The following TSHZ2 variants were observed in gnomAD, a reference collection of about 807,000 sequenced individuals.
The protein encoded by TSHZ2 is teashirt homolog 2.
In TSHZ2, 21 loss-of-function variants were observed where a neutral mutation model predicts 74.4. That is an observed-to-expected ratio of 0.28 (90% CI 0.20 to 0.41). The LOEUF (loss-of-function observed/expected upper bound fraction) is 0.41, where lower values mean the gene tolerates loss of function less well. TSHZ2 is among the 10% of genes least tolerant of loss of function. TSHZ2 has a pLI of 1.00. For synonymous variants in TSHZ2, 540 were observed against 515.3 expected, an observed-to-expected ratio of 1.05 and a Z score of -0.65; for missense variants, 1,244 against 1,293.5, an observed-to-expected ratio of 0.96 and a Z score of 0.59.
chr20:52,979,463 C>G (rs900056496), intron 1 of TSHZ2, among the ~76,000 whole-genome samples: 2 of 152,054 alleles, frequency 1.3e-5, no homozygotes, highest in Non-Finnish European at 2.9e-5. Flanking sequence ...TCATTTTGTC[C>G]GAGAAATTAT....
chr20:53,346,750 A>G (rs1431078615), intron 2 of TSHZ2, among the ~76,000 whole-genome samples: 1 of 152,230 alleles, frequency 6.6e-6, no homozygotes, highest in Non-Finnish European at 1.5e-5. Context: ...TGCGTAGGTC[A>G]TTGAGCATGG....
intron 1 of TSHZ2, among the ~76,000 whole-genome samples, chr20:53,026,496 C>T (rs1327660618): frequency 1.3e-5 from 2 of 152,124 alleles, no homozygotes; most frequent in South Asian, 4.2e-4. Flanking sequence ...GGACCACAAG[C>T]GCACATCACC....
At chr20:53,396,080 C>T (rs1393550424) in intron 2 of TSHZ2, among the ~76,000 whole-genome samples, 2 of 152,234 alleles carry the variant, frequency 1.3e-5, no homozygotes, top group African/African-American at 2.4e-5. Context: ...GGAATACAGG[C>T]GCCTGCCACC....
chr20:53,160,810 C>T (rs1313552945), intron 1 of TSHZ2, among the ~76,000 whole-genome samples: 1 of 151,040 alleles, frequency 6.6e-6, no homozygotes, highest in Admixed American at 6.6e-5. Flanking sequence ...GCAAACTACA[C>T]CTCTGGAAAC....
At chr20:53,332,775 G>C (rs760310679) in intron 2 of TSHZ2, among the ~76,000 whole-genome samples, 1 of 152,152 alleles carries the variant, frequency 6.6e-6, no homozygotes, top group African/African-American at 2.4e-5. Flanking sequence ...AGATGAGAAG[G>C]CGCAGAGACC....
At chr20:53,075,521 T>C (rs1010212118) in intron 1 of TSHZ2, among the ~76,000 whole-genome samples, 1 of 152,016 alleles carries the variant, frequency 6.6e-6, no homozygotes, top group African/African-American at 2.4e-5. Flanking sequence ...ATCAGGGAGG[T>C]TAGTTTCTGA....
Position 53,184,383 on chromosome 20 carries a change from G to A in TSHZ2, c.41-69116G>A, listed in dbSNP as rs1428574581. On this transcript the variant is annotated intron_variant, in intron 1 of 2. Transcript: ENST00000371497. ...TGACTGACTTTTTCTGAATTTTAAC[G>A]CATCTTGGAGTTACTGTGTTTTGGA... Among the ~76,000 whole-genome samples, 2 of 152,012 alleles carry A rather than the reference G, an allele frequency of 1.3e-5. 1 individual carries two copies. The highest frequency in any genetic ancestry group is 2.9e-5 in the Non-Finnish European group (2 of 67,992).
At chr20:52,986,909 GTGTT>G (rs1372167351) in intron 1 of TSHZ2, among the ~76,000 whole-genome samples, 1 of 152,032 alleles carries the variant, frequency 6.6e-6, no homozygotes, top group African/African-American at 2.4e-5. Context: ...TGTGTGTGGT[GTGTT>G]TGTGTGTTTT....
intron 1 of TSHZ2, among the ~76,000 whole-genome samples, chr20:53,112,194 T>C (rs1986552824): frequency 6.6e-6 from 1 of 152,150 alleles, no homozygotes; most frequent in Non-Finnish European, 1.5e-5. Flanking sequence ...GAGCCCTGCT[T>C]AGGGAGCAGG....
At chr20:53,485,282 C>T (rs1301255286) in intron 2 of TSHZ2, among the ~76,000 whole-genome samples, 2 of 152,146 alleles carry the variant, frequency 1.3e-5, no homozygotes, top group African/African-American at 2.4e-5. Context: ...ATTACATTAT[C>T]GTAGTATCAT....
chr20:53,132,646 C>A (rs1367677140), intron 1 of TSHZ2, among the ~76,000 whole-genome samples: 1 of 152,132 alleles, frequency 6.6e-6, no homozygotes, highest in Non-Finnish European at 1.5e-5. Context: ...GTCCCCCTCT[C>A]TTTCTCTCCA....
intron 1 of TSHZ2, among the ~76,000 whole-genome samples, chr20:53,149,418 G>A (rs539091336): frequency 2.4e-4 from 37 of 152,242 alleles, no homozygotes; most frequent in African/African-American, 7.9e-4. Flanking sequence ...TACTGTCAAC[G>A]ATAGGCTAAA....
At chr20:53,023,441 G>A (rs1161020846) in intron 1 of TSHZ2, among the ~76,000 whole-genome samples, 1 of 152,072 alleles carries the variant, frequency 6.6e-6, no homozygotes, top group East Asian at 1.9e-4. Flanking sequence ...TCTTTCCTAG[G>A]TATGTGGAAT....
intron 2 of TSHZ2, among the ~76,000 whole-genome samples, chr20:53,301,521 C>A (rs575496852): frequency 1.4e-4 from 21 of 152,288 alleles, no homozygotes; most frequent in Non-Finnish European, 2.4e-4. Context: ...GTAGTAAACT[C>A]TCTGAATGTT....
intron 2 of TSHZ2, among the ~76,000 whole-genome samples, chr20:53,274,326 G>A (rs1990898793): frequency 1.3e-5 from 2 of 152,192 alleles, no homozygotes; most frequent in African/African-American, 4.8e-5. Flanking sequence ...GAATTACGAA[G>A]TGTAAAGACA....
chr20:53,135,609 A>T (rs1987227318), intron 1 of TSHZ2, among the ~76,000 whole-genome samples: 1 of 151,830 alleles, frequency 6.6e-6, no homozygotes. Context: ...ATTTTATTTT[A>T]TTTTGAGACA....
chr20:52,994,774 A>G (rs1982120538), intron 1 of TSHZ2, among the ~76,000 whole-genome samples: 1 of 152,078 alleles, frequency 6.6e-6, no homozygotes. Context: ...CACGACCTCT[A>G]ATCAAATCAG....
At chr20:53,228,418 TA>T (rs969103170) in intron 1 of TSHZ2, among the ~76,000 whole-genome samples, 1 of 152,220 alleles carries the variant, frequency 6.6e-6, no homozygotes, top group Non-Finnish European at 1.5e-5. Context: ...TACTAATTTG[TA>T]AAAAGCGATA....
At chr20:53,061,837 C>T (rs1568741494) in intron 1 of TSHZ2, among the ~76,000 whole-genome samples, 1 of 151,978 alleles carries the variant, frequency 6.6e-6, no homozygotes, top group Non-Finnish European at 1.5e-5. Context: ...TGTGCTTCAC[C>T]CAACCACCTC....
Sources: allele counts gnomAD v4.1 joint callset (sites outside exome capture counted in the v4.1 genomes callset), GRCh38; gene constraint gnomAD v4.1.1; transcripts MANE v1.5; gene names NCBI Gene and HGNC (gene_info 2026-07-23, HGNC 2026-07-21).